The following PAX7 variants were observed in gnomAD, a reference collection of about 807,000 sequenced individuals.
PAX7 encodes paired box 7.
Under a neutral mutation model 50.7 loss-of-function variants are expected in PAX7, and 18 were observed. That is an observed-to-expected ratio of 0.36 (90% CI 0.25 to 0.53). The LOEUF is 0.53. PAX7 is among the 20% of genes least tolerant of loss of function. The pLI is 0.93. For synonymous variants in PAX7, 310 were observed against 290.4 expected, an observed-to-expected ratio of 1.07 and a Z score of -0.69; for missense variants, 644 against 702.9, an observed-to-expected ratio of 0.92 and a Z score of 0.95.
intron 4 of PAX7, among the ~76,000 whole-genome samples, chr1:18,675,593 C>G (rs946158889): frequency 6.6e-6 from 1 of 152,128 alleles, no homozygotes; most frequent in Admixed American, 6.5e-5. Context: ...GGCTGTCCCC[C>G]CAACCCCACC....
At chr1:18,710,434 A>C (rs916478169) in intron 7 of PAX7, among the ~76,000 whole-genome samples, 2 of 152,044 alleles carry the variant, frequency 1.3e-5, no homozygotes, top group African/African-American at 4.8e-5. Context: ...CTGCGTTTAT[A>C]ATAGGCATTT....
Position 18,634,382 on chromosome 1 carries a change from C to T in PAX7, c.165C>T (p.Ile55=), listed in dbSNP as rs1282632111. The change falls in exon 2 of 9, where the codon ATC becomes ATT. Residue 55 remains isoleucine (I), a synonymous_variant. Coordinates refer to ENST00000420770, the MANE Select transcript of PAX7 (RefSeq NM_001135254.2). The surrounding 1 kb of genome is among the most constrained non-coding windows in gnomAD (Gnocchi z 4.0). ...ATGGGCGACCCCTGCCTAACCACAT[C>T]CGCCACAAGATAGTGGAGATGGCCC... ...FINGRPLPNH[I]RHKIVEMAHH... 3.7e-6 allele frequency: 6 copies of T among 1,614,068 alleles called. No individual in the cohort carries two copies. Among genetic ancestry groups the T allele is most frequent in the Non-Finnish European group, 5.1e-6 (6 of 1,180,052 alleles).
chr1:18,643,606 C>T (rs991167518), intron 4 of PAX7, among the ~76,000 whole-genome samples: 3 of 152,116 alleles, frequency 2.0e-5, no homozygotes, highest in Non-Finnish European at 4.4e-5. Flanking sequence ...AGACAGCCCG[C>T]GGGAGAGCAC....
chr1:18,640,386 G>T (rs1024013164), intron 4 of PAX7, among the ~76,000 whole-genome samples: 8 of 151,872 alleles, frequency 5.3e-5, no homozygotes, highest in African/African-American at 1.9e-4. Flanking sequence ...ATAGGGGAAG[G>T]GGGGCACGGC....
At chr1:18,639,993 G>A (rs1423033919) in intron 4 of PAX7, among the ~76,000 whole-genome samples, 1 of 151,714 alleles carries the variant, frequency 6.6e-6, no homozygotes, top group East Asian at 1.9e-4. Context: ...GGGACGGGGC[G>A]GGGGGGAAAT....
At position 18,634,988 on chromosome 1, in the gene PAX7, G is replaced by T. The variant is rs949553842; in HGVS notation, c.322-123G>T. On this transcript the variant is annotated intron_variant, in intron 2 of 8. Coordinates refer to ENST00000420770, the MANE Select transcript of PAX7 (RefSeq NM_001135254.2). This position sits in a 1 kb window ranked among gnomAD's most constrained non-coding sequence, Gnocchi z 4.0. Reference sequence around the variant, plus strand: ...GGATAAAGCCAATCTCTTGGGGGATGGGGGGACACAAGGTAACCAGAACCA... The same window carrying T: ...GGATAAAGCCAATCTCTTGGGGGATTGGGGGACACAAGGTAACCAGAACCA... 40 of 1,211,622 alleles carry T rather than the reference G, an allele frequency of 3.3e-5. 1 individual carries two copies. In the African/African-American group the frequency reaches 5.8e-4, roughly 18 times the overall value. The allele number at this position is 1,211,622 out of a possible 1,614,324, so 75.1% of individuals were successfully genotyped here.
chr1:18,715,019 G>A (rs779807248), intron 7 of PAX7, among the ~76,000 whole-genome samples: 5 of 152,234 alleles, frequency 3.3e-5, no homozygotes, highest in African/African-American at 7.2e-5. Context: ...GAGGAAGGCC[G>A]CTGGGATGGT....
chr1:18,698,986 A>G (rs2089182566), intron 5 of PAX7, among the ~76,000 whole-genome samples: 2 of 152,162 alleles, frequency 1.3e-5, no homozygotes, highest in African/African-American at 4.8e-5. Context: ...ATCAGGTGCC[A>G]GGGGAGGTGG....
chr1:18,652,909 T>A (rs945604724), intron 4 of PAX7, among the ~76,000 whole-genome samples: 1 of 152,206 alleles, frequency 6.6e-6, no homozygotes, highest in African/African-American at 2.4e-5. Context: ...CCCGTGGGTA[T>A]CTGTTTTCCC....
intron 4 of PAX7, among the ~76,000 whole-genome samples, chr1:18,685,982 C>T (rs1031012958): frequency 6.6e-6 from 1 of 152,190 alleles, no homozygotes; most frequent in Non-Finnish European, 1.5e-5. Flanking sequence ...CAACTTGCTC[C>T]TGCCCACCCC....
At chr1:18,638,845 G>A (rs916182096) in intron 4 of PAX7, among the ~76,000 whole-genome samples, 2 of 152,148 alleles carry the variant, frequency 1.3e-5, no homozygotes, top group African/African-American at 4.8e-5. Flanking sequence ...TCTCTTCCAG[G>A]CCCCAGACAT....
chr1:18,646,408 G>C (rs1025689143), intron 4 of PAX7, among the ~76,000 whole-genome samples: 1 of 152,112 alleles, frequency 6.6e-6, no homozygotes, highest in African/African-American at 2.4e-5. Flanking sequence ...CCAAAAACCC[G>C]GTCTTTTCCG....
intron 4 of PAX7, among the ~76,000 whole-genome samples, chr1:18,670,974 G>A (rs1467978895): frequency 6.6e-6 from 1 of 152,178 alleles, no homozygotes; most frequent in Non-Finnish European, 1.5e-5. Flanking sequence ...GCTGGAGCCG[G>A]TCCAGTTCTC....
intron 4 of PAX7, among the ~76,000 whole-genome samples, chr1:18,640,175 T>C (rs972876934): frequency 1.3e-5 from 2 of 152,108 alleles, no homozygotes; most frequent in Non-Finnish European, 2.9e-5. Flanking sequence ...GAGTGGGAAA[T>C]GACGGGGAAG....
At chr1:18,642,488 G>T (rs547200643) in intron 4 of PAX7, among the ~76,000 whole-genome samples, 1 of 152,132 alleles carries the variant, frequency 6.6e-6, no homozygotes, top group African/African-American at 2.4e-5. Context: ...AAGGGGGGAG[G>T]ACACATTCCA....
At chr1:18,718,791 C>A (rs1025632955) in intron 7 of PAX7, among the ~76,000 whole-genome samples, 1 of 151,936 alleles carries the variant, frequency 6.6e-6, no homozygotes, top group Non-Finnish European at 1.5e-5. Flanking sequence ...TACAGGCATG[C>A]ACCACCACGC....
chr1:18,701,158 A>G (rs1229759840), intron 6 of PAX7, among the ~76,000 whole-genome samples: 1 of 152,178 alleles, frequency 6.6e-6, no homozygotes, highest in African/African-American at 2.4e-5. Context: ...CTGGTGGAGC[A>G]TGGACCAGGC....
intron 4 of PAX7, among the ~76,000 whole-genome samples, chr1:18,668,086 C>G (rs2088695441): frequency 6.6e-6 from 1 of 152,144 alleles, no homozygotes; most frequent in Non-Finnish European, 1.5e-5. Flanking sequence ...TATGAGGGAG[C>G]TTTCACAAAT....
chr1:18,679,800 G>A (rs920618323), intron 4 of PAX7, among the ~76,000 whole-genome samples: 1 of 152,208 alleles, frequency 6.6e-6, no homozygotes, highest in African/African-American at 2.4e-5. Flanking sequence ...CATTCAGTCA[G>A]TTGTTCATTC....
Sources: allele counts gnomAD v4.1 joint callset (sites outside exome capture counted in the v4.1 genomes callset), GRCh38; gene constraint gnomAD v4.1.1; non-coding constraint Gnocchi (gnomAD v3.1); transcripts MANE v1.5; gene names NCBI Gene and HGNC (gene_info 2026-07-23, HGNC 2026-07-21).